SRGAP3: variants seen among roughly 807,000 people sequenced by gnomAD.
The protein encoded by SRGAP3 is SLIT-ROBO Rho GTPase-activating protein 3.
A neutral mutation model predicts 121.1 loss-of-function variants in SRGAP3; 39 were observed. That is an observed-to-expected ratio of 0.32 (90% CI 0.25 to 0.42). SRGAP3 has a LOEUF of 0.42. Ranked by LOEUF, SRGAP3 falls within the 10% of genes least tolerant of loss-of-function variation. The pLI is 1.00. For missense variants in SRGAP3, 1,213 were observed against 1,470.6 expected (o/e 0.82, Z 2.86); for synonymous variants, 601 against 570.0 (o/e 1.05, Z -0.77).
intron 3 of SRGAP3, among the ~76,000 whole-genome samples, chr3:9,282,488 T>C (rs984599749): frequency 6.6e-6 from 1 of 152,058 alleles, no homozygotes; most frequent in Non-Finnish European, 1.5e-5. Context: ...TTTGTTTTTG[T>C]TTTTGTTTTT....
At chr3:9,275,359 G>A (rs1244091820) in intron 3 of SRGAP3, among the ~76,000 whole-genome samples, 1 of 152,012 alleles carries the variant, frequency 6.6e-6, no homozygotes, top group Non-Finnish European at 1.5e-5. Flanking sequence ...AACCCACTCA[G>A]CCAAATAAGA....
chr3:9,203,677 T>C (rs1176018555), intron 1 of SRGAP3, among the ~76,000 whole-genome samples: 1 of 152,238 alleles, frequency 6.6e-6, no homozygotes, highest in East Asian at 1.9e-4. Context: ...GGATGGAATG[T>C]GTTTATTCAA....
At chr3:9,247,279 G>A (rs1160565644) in intron 1 of SRGAP3, among the ~76,000 whole-genome samples, 2 of 152,204 alleles carry the variant, frequency 1.3e-5, no homozygotes, top group Non-Finnish European at 1.5e-5. Flanking sequence ...CCAATAAAGC[G>A]CTTATTTCTA....
At chr3:9,275,073 G>C (rs1954546838) in intron 3 of SRGAP3, among the ~76,000 whole-genome samples, 1 of 152,156 alleles carries the variant, frequency 6.6e-6, no homozygotes, top group Non-Finnish European at 1.5e-5. Flanking sequence ...GCCCTCTTCT[G>C]CCCAGAGTTT....
intron 1 of SRGAP3, among the ~76,000 whole-genome samples, chr3:9,356,407 C>T (rs900554709): frequency 1.7e-5 from 2 of 117,496 alleles, no homozygotes; most frequent in East Asian, 2.9e-4. Context: ...GAGTCCCGCT[C>T]TATCGCCCAG....
At chr3:9,230,680 G>C (rs1390386592) in intron 1 of SRGAP3, among the ~76,000 whole-genome samples, 2 of 151,966 alleles carry the variant, frequency 1.3e-5, no homozygotes, top group Admixed American at 1.3e-4. Context: ...AGATAGCCTG[G>C]GCAAAATAGC....
intron 1 of SRGAP3, among the ~76,000 whole-genome samples, chr3:9,140,652 C>T (rs1284205293): frequency 6.6e-6 from 1 of 152,216 alleles, no homozygotes; most frequent in Non-Finnish European, 1.5e-5. Context: ...CAAGAGTAGT[C>T]ATAGAATACA....
At chr3:9,296,486 A>C (rs1169047109) in intron 3 of SRGAP3, among the ~76,000 whole-genome samples, 1 of 152,242 alleles carries the variant, frequency 6.6e-6, no homozygotes. Flanking sequence ...ATCTTGGCAG[A>C]GTAAGGGAAG....
chr3:9,206,169 T>G (rs1223759414), intron 1 of SRGAP3, among the ~76,000 whole-genome samples: 1 of 152,164 alleles, frequency 6.6e-6, no homozygotes, highest in African/African-American at 2.4e-5. Flanking sequence ...TGAAGTAAAT[T>G]TTATCACAAC....
intron 1 of SRGAP3, among the ~76,000 whole-genome samples, chr3:9,212,191 G>A (rs1423327429): frequency 1.3e-5 from 2 of 152,180 alleles, no homozygotes; most frequent in Admixed American, 6.5e-5. Flanking sequence ...GTGAGTTTAT[G>A]CTGCTCCCAA....
At chr3:9,167,530 A>G (rs1950832287) in intron 1 of SRGAP3, among the ~76,000 whole-genome samples, 1 of 152,078 alleles carries the variant, frequency 6.6e-6, no homozygotes, top group Non-Finnish European at 1.5e-5. Context: ...CTTGCTCCTA[A>G]ATTCTGGGAG....
chr3:9,301,504 C>A (rs1220039357), intron 3 of SRGAP3, among the ~76,000 whole-genome samples: 1 of 152,226 alleles, frequency 6.6e-6, no homozygotes, highest in Non-Finnish European at 1.5e-5. Context: ...CTGTAAAATT[C>A]TCTCTTTTGT....
chr3:9,315,897 A>C (rs186013452), intron 3 of SRGAP3, among the ~76,000 whole-genome samples: 69 of 152,342 alleles, frequency 4.5e-4, no homozygotes, highest in Admixed American at 6.5e-5. Flanking sequence ...TGAATTACTT[A>C]AACTATATTT....
At chr3:9,311,956 T>C (rs1046218088) in intron 3 of SRGAP3, among the ~76,000 whole-genome samples, 5 of 152,256 alleles carry the variant, frequency 3.3e-5, no homozygotes, top group Non-Finnish European at 5.9e-5. Context: ...ACATGAGTGC[T>C]AATGCATCCA....
At chr3:9,047,300 C>A in intron 10 of SRGAP3, 91 bp downstream of exon 10, 3 of 1,371,030 alleles carry the variant, frequency 2.2e-6, no homozygotes, top group Non-Finnish European at 3.1e-6. Flanking sequence ...CCTGCTGTCT[C>A]AAGCCTGAAC....
At chr3:9,062,086 C>T (rs201120354) in intron 5 of SRGAP3, among the ~76,000 whole-genome samples, 2 of 17,316 alleles carry the variant, frequency 1.2e-4, no homozygotes, top group East Asian at 1.7e-3. Context: ...TGCACCTGAC[C>T]CCCCACAGAG....
intron 20 of SRGAP3, among the ~76,000 whole-genome samples, chr3:8,991,375 C>T (rs942179216): frequency 2.0e-5 from 3 of 152,136 alleles, no homozygotes; most frequent in Non-Finnish European, 2.9e-5. Context: ...GCTCCTTCTG[C>T]GAGGCTTTTT....
chr3:9,028,576 T>G (rs535671508), intron 12 of SRGAP3, among the ~76,000 whole-genome samples: 2 of 152,344 alleles, frequency 1.3e-5, no homozygotes, highest in South Asian at 4.1e-4. Flanking sequence ...TACACCTTTA[T>G]GTCCACTGGA....
rs181497020 is a variant in SRGAP3, at chr3:9,135,936, G to A, written c.68-11019C>T. On this transcript the variant is annotated intron_variant, in intron 1 of 21. Coordinates refer to ENST00000383836, the MANE Select transcript of SRGAP3 (RefSeq NM_014850.4). ...TGGGGTTGTTAAAAGGGTGAGGGGT[G>A]GTATGCGCGTGGTGCCTGGGGCACT... Among the ~76,000 whole-genome samples, 18 of 152,350 alleles carry A rather than the reference G, an allele frequency of 1.2e-4. No homozygotes were observed. The East Asian group carries it at 3.5e-3, about 29-fold the overall frequency.
Sources: allele counts gnomAD v4.1 joint callset (sites outside exome capture counted in the v4.1 genomes callset), GRCh38; gene constraint gnomAD v4.1.1; transcripts MANE v1.5; gene names NCBI Gene and HGNC (gene_info 2026-07-23, HGNC 2026-07-21).